The following CNTN1 variants were observed in gnomAD, a reference collection of about 807,000 sequenced individuals.
CNTN1 encodes the protein contactin-1.
CNTN1 carries 38 observed loss-of-function variants against 126.4 expected under a neutral mutation model. The observed-to-expected ratio is 0.30, with a 90% CI of 0.23 to 0.39. CNTN1 has a LOEUF of 0.39. CNTN1 is among the 10% of genes least tolerant of loss of function. CNTN1 has a pLI of 1.00. For missense variants in CNTN1, 1,009 were observed against 1,248.4 expected (o/e 0.81, Z 2.89); for synonymous variants, 413 against 422.6 (o/e 0.98, Z 0.28).
At chr12:40,865,103 G>C (rs1294946935) in intron 1 of CNTN1, among the ~76,000 whole-genome samples, 3 of 152,014 alleles carry the variant, frequency 2.0e-5, no homozygotes, top group African/African-American at 4.8e-5. Flanking sequence ...GCAATGATTT[G>C]GATGTCTTTT....
At position 40,939,315 on chromosome 12, in the gene CNTN1, A is replaced by G; in HGVS notation, c.1229-20A>G. 6.2e-7 allele frequency: 1 copy of G among 1,613,112 alleles called. No homozygotes were observed. Among genetic ancestry groups the G allele is most frequent in the Non-Finnish European group, 8.5e-7 (1 of 1,179,324 alleles). On this transcript the variant is annotated intron_variant, in intron 11 of 23. Transcript: ENST00000551295. ...CTTTACAAACAGAAAGAGAAAGATA[A>G]CAATTTGTTTTCTTTTTAGCGTTGG... is the stretch of plus-strand genomic sequence containing the variant.
At chr12:40,816,016 GATACGTT>G (rs1941243699) in intron 1 of CNTN1, among the ~76,000 whole-genome samples, 1 of 152,160 alleles carries the variant, frequency 6.6e-6, no homozygotes, top group Non-Finnish European at 1.5e-5. Context: ...GGTCATGGTG[GATACGTT>G]TTTTGGTGTG....
In CNTN1 at chr12:40,692,499, G is replaced by T. The variant is rs898529009; in HGVS notation, c.-170G>T. The T allele has an allele frequency of 2.5e-4, 38 of 152,682 alleles. No homozygotes were observed. The highest frequency in any genetic ancestry group is 9.2e-4 in the African/African-American group (38 of 41,472). The allele number at this position is 152,682 out of a possible 1,614,324, so 9.5% of individuals were successfully genotyped here. On this transcript the variant is annotated 5_prime_UTR_variant, in exon 1 of 24. Transcript: ENST00000551295. ...CCGAGGCGAGGAGGGGCGCCGGTGG[G>T]GAGATGCGCTCCCAGGTGTTTGCAG...
chr12:40,913,573 G>C (rs1945125361), intron 3 of CNTN1, among the ~76,000 whole-genome samples: 1 of 152,128 alleles, frequency 6.6e-6, no homozygotes, highest in Non-Finnish European at 1.5e-5. Flanking sequence ...ACATATAATA[G>C]ACTGGGAAGT....
chr12:40,717,038 C>T lies in CNTN1; in HGVS notation c.-77+24446C>T, dbSNP rs59800572. On this transcript the variant is annotated intron_variant, in intron 1 of 23. Coordinates refer to ENST00000551295, the MANE Select transcript of CNTN1 (RefSeq NM_001843.4). ...ATAGATGTGTACAAAGTCTTTTGTA[C>T]ATATTTTTATGTAACCCTCACAGCT... Among the ~76,000 whole-genome samples, 9 of 151,746 alleles carry T rather than the reference C, an allele frequency of 5.9e-5. No individual in the cohort carries two copies. In the East Asian group the frequency reaches 1.8e-3, roughly 30 times the overall value.
intron 3 of CNTN1, 87 bp from the exon 4 acceptor site, chr12:40,918,552 T>G: frequency 3.2e-6 from 4 of 1,238,500 alleles, no homozygotes; most frequent in Non-Finnish European, 4.7e-6. Context: ...GTTTCTGATT[T>G]TTTTCAAGTA....
At chr12:40,870,964 C>A (rs1347955161) in intron 1 of CNTN1, among the ~76,000 whole-genome samples, 1 of 152,034 alleles carries the variant, frequency 6.6e-6, no homozygotes, top group Non-Finnish European at 1.5e-5. Context: ...GCAGTTCCTC[C>A]TTGAAGCATA....
intron 1 of CNTN1, among the ~76,000 whole-genome samples, chr12:40,734,242 T>C (rs1942565183): frequency 6.6e-6 from 1 of 152,134 alleles, no homozygotes; most frequent in African/African-American, 2.4e-5. Context: ...CCAAGTTCTC[T>C]AGCTGAGAAC....
chr12:40,769,201 CATAAA>C (rs952932249), intron 1 of CNTN1, among the ~76,000 whole-genome samples: 46 of 151,794 alleles, frequency 3.0e-4, no homozygotes, highest in African/African-American at 1.0e-3. Context: ...TTAAAAAAAA[CATAAA>C]ATAAAAATAA....
At chr12:40,744,281 C>G (rs1201580258) in intron 1 of CNTN1, among the ~76,000 whole-genome samples, 1 of 144,546 alleles carries the variant, frequency 6.9e-6, no homozygotes, top group African/African-American at 2.6e-5. Context: ...CACATGTATC[C>G]TGGAACTTTA....
intron 1 of CNTN1, among the ~76,000 whole-genome samples, chr12:40,696,100 A>G (rs758321981): frequency 2.6e-5 from 4 of 152,252 alleles, no homozygotes; most frequent in Non-Finnish European, 4.4e-5. Flanking sequence ...CGTGTTAAAC[A>G]TTCAAAATAA....
At chr12:40,770,012 G>T (rs1482640605) in intron 1 of CNTN1, among the ~76,000 whole-genome samples, 1 of 152,140 alleles carries the variant, frequency 6.6e-6, no homozygotes, top group Non-Finnish European at 1.5e-5. Context: ...CTGTTAGGTT[G>T]TTTTGCACTC....
Position 40,993,248 on chromosome 12 carries a change from A to G in CNTN1, c.2092A>G (p.Arg698Gly). ...AGGAGAGCCCAGTATACCATCTAACAGAATTAAAACAGACGGTGCTGGTAT... is the reference window on the plus strand; with the variant it reads ...AGGAGAGCCCAGTATACCATCTAACGGAATTAAAACAGACGGTGCTGGTAT... ...GRGEPSIPSNRIKTDGAAPNV... is the reference protein window; with the variant it reads ...GRGEPSIPSNGIKTDGAAPNV... Residue 698 changes from arginine (R) to glycine (G), a missense_variant, in exon 17 of 24, where the codon AGA becomes GGA. Coordinates refer to ENST00000551295, the MANE Select transcript of CNTN1 (RefSeq NM_001843.4). 6.2e-7 allele frequency: 1 copy of G among 1,613,882 alleles called. No homozygotes were observed. The highest frequency in any genetic ancestry group is 8.5e-7 in the Non-Finnish European group (1 of 1,179,794).
At chr12:40,791,220 C>T (rs1184649551) in intron 1 of CNTN1, among the ~76,000 whole-genome samples, 2 of 152,106 alleles carry the variant, frequency 1.3e-5, no homozygotes, top group Admixed American at 1.3e-4. Context: ...AAGAGACTCA[C>T]TTTTAACATG....
intron 15 of CNTN1, among the ~76,000 whole-genome samples, chr12:40,966,001 C>A (rs1468513993): frequency 2.5e-5 from 2 of 80,632 alleles, no homozygotes; most frequent in Non-Finnish European, 2.4e-5. Flanking sequence ...CATCACACCA[C>A]ACACACACAC....
intron 23 of CNTN1, chr12:41,061,898 T>G: frequency 2.4e-6 from 1 of 419,096 alleles, no homozygotes; most frequent in Non-Finnish European, 4.8e-6. Context: ...GGTCTTAAGC[T>G]GTCTTTTTTC....
intron 1 of CNTN1, among the ~76,000 whole-genome samples, chr12:40,797,032 C>T (rs1286485870): frequency 3.3e-5 from 5 of 152,044 alleles, no homozygotes; most frequent in Non-Finnish European, 7.4e-5. Flanking sequence ...TTGTCAATTC[C>T]CCATCTTATT....
intron 1 of CNTN1, among the ~76,000 whole-genome samples, chr12:40,833,702 A>G (rs534126481): frequency 1.3e-5 from 2 of 152,184 alleles, no homozygotes; most frequent in Non-Finnish European, 2.9e-5. Context: ...GGGAGGGTAT[A>G]TCCTCTAGAA....
chr12:40,925,578 C>CAT (rs1945626044), intron 6 of CNTN1, among the ~76,000 whole-genome samples: 7 of 100,578 alleles, frequency 7.0e-5, no homozygotes, highest in African/African-American at 2.4e-4. Flanking sequence ...TACGTATATA[C>CAT]GTATATATAC....
Sources: allele counts gnomAD v4.1 joint callset (sites outside exome capture counted in the v4.1 genomes callset), GRCh38; gene constraint gnomAD v4.1.1; transcripts MANE v1.5; gene names NCBI Gene and HGNC (gene_info 2026-07-23, HGNC 2026-07-21).